The following HSD17B4 variants were observed in gnomAD, a reference collection of about 807,000 sequenced individuals.
The protein encoded by HSD17B4 is peroxisomal multifunctional enzyme type 2.
In HSD17B4, 70 loss-of-function variants were observed where a neutral mutation model predicts 101.0. The observed-to-expected ratio is 0.69, with a 90% CI of 0.57 to 0.85. The LOEUF is 0.85. HSD17B4 is among the 40% of genes least tolerant of loss of function. The pLI is 0.00. For synonymous variants in HSD17B4, 347 were observed against 297.1 expected, an observed-to-expected ratio of 1.17 and a Z score of -1.73; for missense variants, 984 against 892.4, an observed-to-expected ratio of 1.10 and a Z score of -1.31.
chr5:119,497,521 G>A (rs1427066111), intron 12 of HSD17B4, among the ~76,000 whole-genome samples: 1 of 152,166 alleles, frequency 6.6e-6, no homozygotes, highest in Non-Finnish European at 1.5e-5. Flanking sequence ...TTGTATTTGG[G>A]AGGGGAGACT....
At chr5:119,530,555 GA>G (rs35747045) in intron 21 of HSD17B4, among the ~76,000 whole-genome samples, 1,757 of 147,630 alleles carry the variant, frequency 0.012, 39 homozygotes, top group African/African-American at 0.042. Context: ...AATAGTCTAA[GA>G]AAAAAAAAAA....
intron 16 of HSD17B4, among the ~76,000 whole-genome samples, chr5:119,513,462 C>A (rs1054615086): frequency 1.3e-5 from 2 of 152,164 alleles, no homozygotes; most frequent in Admixed American, 6.5e-5. Flanking sequence ...CAGCTCACTG[C>A]AGCCTCTGCC....
At position 119,478,964 on chromosome 5, in the gene HSD17B4, T is replaced by G; in HGVS notation, c.565T>G (p.Cys189Gly). 1 of 1,613,750 alleles carries G rather than the reference T, an allele frequency of 6.2e-7. No homozygotes were observed. Among genetic ancestry groups the G allele is most frequent in the Non-Finnish European group, 8.5e-7 (1 of 1,179,736 alleles). Residue 189 changes from cysteine (C) to glycine (G), a missense_variant, in exon 8 of 24, where the codon TGT becomes GGT. Cys to Gly is a radical substitution (Grantham distance 159, BLOSUM62 -3). Coordinates refer to ENST00000510025, the MANE Select transcript of HSD17B4 (RefSeq NM_000414.4). The part of the protein sequence containing the change: ...AIEGRKSNIH[C>G]NTIAPNAGSR... ...TGAAGGCAGGAAAAGCAACATTCAT[T>G]GTAACACCATTGCTCCTAATGCGGG...
intron 1 of HSD17B4, among the ~76,000 whole-genome samples, chr5:119,455,420 G>T (rs1264305872): frequency 6.6e-6 from 1 of 152,106 alleles, no homozygotes; most frequent in African/African-American, 2.4e-5. Flanking sequence ...GCGAGGCTGA[G>T]GCAGGACAAT....
intron 2 of HSD17B4, among the ~76,000 whole-genome samples, chr5:119,466,974 G>A (rs574803348): frequency 1.1e-4 from 17 of 152,094 alleles, no homozygotes; most frequent in African/African-American, 3.9e-4. Flanking sequence ...GGTATATTGT[G>A]TTTTTATTTT....
At chr5:119,541,331 T>A (rs934477942) in intron 23 of HSD17B4, among the ~76,000 whole-genome samples, 22 of 152,200 alleles carry the variant, frequency 1.4e-4, no homozygotes, top group Non-Finnish European at 4.4e-5. Context: ...TTATGCCTTT[T>A]ATAGATGAGG....
chr5:119,518,064 T>G (rs1168332953), intron 17 of HSD17B4, among the ~76,000 whole-genome samples: 1 of 152,058 alleles, frequency 6.6e-6, no homozygotes, highest in East Asian at 1.9e-4. Flanking sequence ...GATAAGAGAA[T>G]AAAAGCAGGC....
At chr5:119,486,804 G>T (rs1749650352) in intron 8 of HSD17B4, among the ~76,000 whole-genome samples, 1 of 151,926 alleles carries the variant, frequency 6.6e-6, no homozygotes, top group South Asian at 2.1e-4. Context: ...AGTCAGGAAG[G>T]GTACAAATGC....
chr5:119,524,094 A>G (rs1466221868), intron 17 of HSD17B4, among the ~76,000 whole-genome samples: 2 of 152,102 alleles, frequency 1.3e-5, no homozygotes, highest in African/African-American at 4.8e-5. Flanking sequence ...AGCATCTCAT[A>G]TGGGACCTTG....
chr5:119,479,754 T>G (rs1748943812), intron 8 of HSD17B4, among the ~76,000 whole-genome samples: 1 of 152,102 alleles, frequency 6.6e-6, no homozygotes, highest in Non-Finnish European at 1.5e-5. Flanking sequence ...GGGGAGATCT[T>G]GGTTGCTTCC....
chr5:119,507,627 CA>C (rs959838489), intron 15 of HSD17B4, among the ~76,000 whole-genome samples: 24 of 144,550 alleles, frequency 1.7e-4, no homozygotes, highest in Admixed American at 1.4e-4. Flanking sequence ...ACTTAAAATA[CA>C]AAAAAAAAAG....
intron 23 of HSD17B4, among the ~76,000 whole-genome samples, chr5:119,537,081 T>G (rs1754604495): frequency 6.6e-6 from 1 of 152,110 alleles, no homozygotes; most frequent in Non-Finnish European, 1.5e-5. Context: ...GGAGAAAAAT[T>G]TGTTATTTTC....
At chr5:119,453,297 G>A (rs1424691404) in intron 1 of HSD17B4, among the ~76,000 whole-genome samples, 1 of 152,244 alleles carries the variant, frequency 6.6e-6, no homozygotes, top group East Asian at 1.9e-4. Flanking sequence ...ATGGGAGTAG[G>A]ATGGGCACAT....
At chr5:119,467,932 C>T (rs148689856) in intron 2 of HSD17B4, among the ~76,000 whole-genome samples, 3 of 152,058 alleles carry the variant, frequency 2.0e-5, no homozygotes, top group African/African-American at 7.2e-5. Flanking sequence ...TCTTTACAAG[C>T]AAAGTGAGTT....
At chr5:119,506,766 A>T (rs562146189) in intron 14 of HSD17B4, 52 bp from the exon 15 acceptor site, 1 of 974,200 alleles carries the variant, frequency 1.0e-6, no homozygotes, top group African/African-American at 1.6e-5. Flanking sequence ...ACATCTTATT[A>T]TAGTAATCTT....
At chr5:119,491,373 A>G (rs573016977) in intron 9 of HSD17B4, among the ~76,000 whole-genome samples, 146 of 152,014 alleles carry the variant, frequency 9.6e-4, no homozygotes, top group African/African-American at 3.3e-3. Flanking sequence ...TATCATATGC[A>G]TATGAAATTT....
At chr5:119,476,837 A>C (rs757495566) in intron 6 of HSD17B4, 11 of 305,896 alleles carry the variant, frequency 3.6e-5, no homozygotes, top group Non-Finnish European at 5.3e-5. Flanking sequence ...TCTAATATAC[A>C]CATGAAAACA....
chr5:119,504,552 T>G (rs1751478665), intron 14 of HSD17B4, among the ~76,000 whole-genome samples: 1 of 152,122 alleles, frequency 6.6e-6, no homozygotes. Flanking sequence ...AGCATTTTTT[T>G]TATGTTTGTT....
intron 1 of HSD17B4, chr5:119,452,906 C>T (rs927347511): frequency 1.4e-6 from 2 of 1,473,766 alleles, no homozygotes; most frequent in Non-Finnish European, 1.8e-6. Flanking sequence ...CTGCTGATTG[C>T]AAAACTGGGT....
Sources: gnomAD v4.1 joint callset for allele counts (sites outside exome capture counted in the v4.1 genomes callset) on GRCh38, gnomAD v4.1.1 for gene constraint, MANE v1.5 for transcripts, NCBI Gene and HGNC (gene_info 2026-07-23, HGNC 2026-07-21) for gene names.